The following DOCK1 variants were observed in gnomAD, a reference collection of about 807,000 sequenced individuals.
DOCK1 encodes dedicator of cytokinesis 1.
In DOCK1, 138 loss-of-function variants were observed where a neutral mutation model predicts 262.7. The ratio of observed to expected loss-of-function variants is 0.53; its 90% confidence interval spans 0.46 to 0.61. DOCK1 has a LOEUF of 0.61. Ranked by LOEUF, DOCK1 falls within the 20% of genes least tolerant of loss-of-function variation. DOCK1 has a pLI of 0.00. For synonymous variants in DOCK1, 866 were observed against 867.4 expected (o/e 1.00, Z 0.03); for missense variants, 1,908 against 2,370.7 (o/e 0.80, Z 4.05).
At chr10:127,001,741 C>G (rs2040609190) in intron 10 of DOCK1, 1 of 157,860 alleles carries the variant, frequency 6.3e-6, no homozygotes, top group Admixed American at 6.5e-5. Flanking sequence ...TTCAATTTAC[C>G]CATAGAGCTA....
chr10:126,921,331 T>C (rs1402142758), intron 1 of DOCK1, among the ~76,000 whole-genome samples: 1 of 152,110 alleles, frequency 6.6e-6, no homozygotes, highest in African/African-American at 2.4e-5. Context: ...CAAAACATGG[T>C]ATGTCCCTAT....
At chr10:127,127,953 G>A (rs2050069915) in intron 27 of DOCK1, 189 bp downstream of exon 27, 4 of 402,542 alleles carry the variant, frequency 9.9e-6, no homozygotes, top group Non-Finnish European at 1.8e-5. Context: ...CTTTAAAGAT[G>A]GAAACATTTG....
rs775237323 is a variant in DOCK1, at chr10:127,100,820, G to A, written c.2446-5411G>A. Among the ~76,000 whole-genome samples the A allele has an allele frequency of 1.2e-4, 19 of 152,274 alleles. No homozygotes were observed. Among genetic ancestry groups the A allele is most frequent in the Middle Eastern group, 3.4e-3 (1 of 294 alleles). The stretch of plus-strand genomic sequence containing the variant: ...TGGCCTTGGCAGGAACAGAGCTGTG[G>A]TGCGGGCCGGAGTCAGGCTGCAGTG... On this transcript the variant is annotated intron_variant, in intron 23 of 51. Transcript: ENST00000623213. The surrounding 1 kb of genome is among the most constrained non-coding windows in gnomAD (Gnocchi z 5.5).
chr10:127,361,258 C>T (rs565689547), intron 32 of DOCK1, among the ~76,000 whole-genome samples: 22 of 151,738 alleles, frequency 1.4e-4, no homozygotes, highest in East Asian at 3.9e-4. Context: ...GGACTACAGG[C>T]GCCCGCTACC....
Position 126,936,875 on chromosome 10 carries a change from C to T in DOCK1, c.46+31312C>T, listed in dbSNP as rs977399998. 7.1e-4 allele frequency among the ~76,000 whole-genome samples: 108 copies of T among 152,284 alleles called. No homozygotes were observed. The East Asian group carries it at 0.019, about 27-fold the overall frequency. On this transcript the variant is annotated intron_variant, in intron 1 of 51. Coordinates refer to ENST00000623213, the MANE Select transcript of DOCK1 (RefSeq NM_001290223.2). ...AAGGACATTCATGTTGTGCAAACAGCAGCACCATTCGTCACCGGAACTCTT... is the reference window on the plus strand; with the variant it reads ...AAGGACATTCATGTTGTGCAAACAGTAGCACCATTCGTCACCGGAACTCTT...
intron 27 of DOCK1, among the ~76,000 whole-genome samples, chr10:127,147,607 C>T (rs947228844): frequency 6.6e-6 from 1 of 152,142 alleles, no homozygotes; most frequent in African/African-American, 2.4e-5. Context: ...TCACACTCCT[C>T]CCAGTCTCCC....
At chr10:127,276,178 C>T (rs1273307579) in intron 29 of DOCK1, among the ~76,000 whole-genome samples, 1 of 152,218 alleles carries the variant, frequency 6.6e-6, no homozygotes, top group Non-Finnish European at 1.5e-5. Flanking sequence ...CTTGCTCCCA[C>T]ATGCTTGCGT....
At chr10:126,963,602 T>A in intron 1 of DOCK1, among the ~76,000 whole-genome samples, 1 of 53,248 alleles carries the variant, frequency 1.9e-5, no homozygotes, top group Non-Finnish European at 3.2e-5. Context: ...TCCCTTCCCT[T>A]CCCTTCCCTT....
At chr10:127,328,405 C>A (rs1237148162) in intron 29 of DOCK1, among the ~76,000 whole-genome samples, 1 of 152,198 alleles carries the variant, frequency 6.6e-6, no homozygotes, top group Non-Finnish European at 1.5e-5. Flanking sequence ...GACTAGGATT[C>A]ATTTACACTG....
intron 29 of DOCK1, among the ~76,000 whole-genome samples, chr10:127,276,171 G>A (rs543473948): frequency 6.6e-5 from 10 of 152,316 alleles, no homozygotes; most frequent in Non-Finnish European, 1.2e-4. Flanking sequence ...CATCAGACTT[G>A]CTCCCACATG....
chr10:126,972,030 C>A (rs1401159165), intron 2 of DOCK1, among the ~76,000 whole-genome samples: 1 of 152,074 alleles, frequency 6.6e-6, no homozygotes. Context: ...GATTCTCCTG[C>A]CTCAGCCTCC....
At chr10:127,270,769 C>G (rs1223070424) in intron 29 of DOCK1, among the ~76,000 whole-genome samples, 1 of 152,126 alleles carries the variant, frequency 6.6e-6, no homozygotes, top group Admixed American at 6.5e-5. Context: ...GTCCCTGTCC[C>G]CCAAGCAGTG....
chr10:127,215,528 C>A (rs2058168884), intron 27 of DOCK1, among the ~76,000 whole-genome samples: 1 of 152,150 alleles, frequency 6.6e-6, no homozygotes, highest in Non-Finnish European at 1.5e-5. Context: ...ATCTTGAGTT[C>A]CTGCTAGCAG....
At position 126,970,692 on chromosome 10, in the gene DOCK1, T is replaced by C; in HGVS notation, c.47-10T>C. The C allele has an allele frequency of 6.2e-7, 1 of 1,604,024 alleles. No individual in the cohort carries two copies. Among genetic ancestry groups the C allele is most frequent in the Non-Finnish European group, 8.5e-7 (1 of 1,171,162 alleles). Reference sequence around the variant, plus strand: ...CTATTACTAATATATTTCCCCTTTTTTCATCACAGCTTTTTATAACTATGA... The same window carrying C: ...CTATTACTAATATATTTCCCCTTTTCTCATCACAGCTTTTTATAACTATGA... On this transcript the variant is annotated splice_polypyrimidine_tract_variant and intron_variant, in intron 1 of 51. Coordinates refer to ENST00000623213, the MANE Select transcript of DOCK1 (RefSeq NM_001290223.2).
At position 127,362,071 on chromosome 10, in the gene DOCK1, CA is replaced by C. The variant is rs1565025574; in HGVS notation, c.3293del (p.Lys1098ArgfsTer2). The C allele has an allele frequency of 6.2e-7, 1 of 1,608,400 alleles. No homozygotes were observed. Among genetic ancestry groups the C allele is most frequent in the East Asian group, 2.2e-5 (1 of 44,828 alleles). On this transcript the variant is annotated frameshift_variant, in exon 33 of 52. Coordinates refer to ENST00000623213, the MANE Select transcript of DOCK1 (RefSeq NM_001290223.2). LOFTEE classifies it high-confidence loss of function. ...GTACCTCTTTTTTCCAAGGTCAACA[CA>C]AGATAAAGTTCATTCCAGAAATGGT... is the stretch of plus-strand genomic sequence containing the variant. ...RDMWYNLGQH[K>X]IKFIPEMVGP...
chr10:127,406,318 A>G (rs1001994028), intron 40 of DOCK1, among the ~76,000 whole-genome samples: 3 of 152,216 alleles, frequency 2.0e-5, no homozygotes, highest in Non-Finnish European at 2.9e-5. Flanking sequence ...AATAGATGCC[A>G]GGTTGTGCCA....
chr10:126,924,183 GA>G (rs2033475595), intron 1 of DOCK1, among the ~76,000 whole-genome samples: 3 of 131,338 alleles, frequency 2.3e-5, no homozygotes, highest in African/African-American at 8.0e-5. Flanking sequence ...TGCTGGAACT[GA>G]GCAGGGGGAA....
At chr10:126,950,396 C>T (rs1376578054) in intron 1 of DOCK1, among the ~76,000 whole-genome samples, 1 of 151,986 alleles carries the variant, frequency 6.6e-6, no homozygotes, top group Non-Finnish European at 1.5e-5. Context: ...TCAGCTTAGC[C>T]TAGCTGTGAC....
intron 1 of DOCK1, among the ~76,000 whole-genome samples, chr10:126,966,887 A>G (rs1419267850): frequency 2.0e-5 from 3 of 152,176 alleles, no homozygotes; most frequent in Non-Finnish European, 4.4e-5. Flanking sequence ...ATCTCACACA[A>G]TGTGTCTAGC....
Sources: gnomAD v4.1 joint callset for allele counts (sites outside exome capture counted in the v4.1 genomes callset) on GRCh38, gnomAD v4.1.1 for gene constraint, Gnocchi (gnomAD v3.1) non-coding constraint, MANE v1.5 for transcripts, NCBI Gene and HGNC (gene_info 2026-07-23, HGNC 2026-07-21) for gene names.